Variants in COL28A1 observed in about 807,000 individuals in gnomAD.
The protein encoded by COL28A1 is collagen type XXVIII alpha 1 chain.
COL28A1 carries 161 observed loss-of-function variants against 150.2 expected under a neutral mutation model. The observed-to-expected ratio is 1.07, with a 90% CI of 0.94 to 1.22. The LOEUF is 1.22. Among genes scored for constraint, COL28A1 ranks in the 50% most tolerant of loss-of-function variants. COL28A1 has a pLI of 0.00. For synonymous variants in COL28A1, 552 were observed against 469.7 expected, an observed-to-expected ratio of 1.18 and a Z score of -2.26; for missense variants, 1,617 against 1,388.3, an observed-to-expected ratio of 1.16 and a Z score of -2.62.
chr7:7,340,696 T>C, the COL28A1 span, among the ~76,000 whole-genome samples: 1 of 152,110 alleles, frequency 6.6e-6, no homozygotes, highest in Non-Finnish European at 1.5e-5. Context: ...TAATCTGTGT[T>C]TTTTATACTT....
chr7:7,470,840 T>C lies in COL28A1; in HGVS notation c.1302+3761A>G, dbSNP rs867167710. Among the ~76,000 whole-genome samples the C allele has an allele frequency of 1.8e-4, 23 of 129,134 alleles. 1 individual carries two copies. In the South Asian group the frequency reaches 5.3e-3, roughly 29 times the overall value. The allele number at this position is 129,134 out of a possible 152,430, so 84.7% of individuals were successfully genotyped here. ...CATGGATGAAATTGGAAACCATCAT[T>C]CTCAGTAAACTATCGTAAGAACAAA... On this transcript the variant is annotated intron_variant, in intron 15 of 34. Transcript: ENST00000399429.
At chr7:7,522,179 C>T (rs375355968) in intron 4 of COL28A1, 4 of 576,128 alleles carry the variant, frequency 6.9e-6, no homozygotes, top group South Asian at 1.9e-5. Context: ...TTATTCCAGG[C>T]AAATTTATAC....
intron 25 of COL28A1, chr7:7,431,263 A>G (rs10280546): frequency 0.21 from 38,103 of 185,128 alleles, 5,459 homozygotes; most frequent in African/African-American, 0.42. Context: ...TCATTCAACA[A>G]GTTGTAGAGC....
At chr7:7,370,910 A>G in intron 32 of COL28A1, 28 bp from the exon 33 acceptor site, 2 of 1,491,686 alleles carry the variant, frequency 1.3e-6, no homozygotes, top group Admixed American at 1.7e-5. Context: ...GAAAAGAGAG[A>G]TAGTAGAAGC....
chr7:7,417,572 A>G (rs1022811219), intron 27 of COL28A1: 1 of 270,452 alleles, frequency 3.7e-6, no homozygotes, highest in Non-Finnish European at 6.8e-6. Flanking sequence ...AGAGAGAGCA[A>G]CTGAGTATAA....
Position 7,515,832 on chromosome 7 carries a change from A to G in COL28A1, c.864T>C (p.Pro288=). 2 of 1,029,476 alleles carry G rather than the reference A, an allele frequency of 1.9e-6. No homozygotes were observed. Among genetic ancestry groups the G allele is most frequent in the Non-Finnish European group, 3.1e-6 (2 of 649,398 alleles). 63.8% of individuals were successfully genotyped at this position (1,029,476 alleles called of 1,614,324 possible). A position where few individuals can be genotyped will look rare whatever the true frequency, so the allele number is the denominator to read the frequency against. Reference sequence around the variant, plus strand: ...AACTTACCTTGTCACCCTTGTACCCAGGAATTCCCTAATTTAAAAAGAAAA... The same window carrying G: ...AACTTACCTTGTCACCCTTGTACCCGGGAATTCCCTAATTTAAAAAGAAAA... ...EAGERGPGGI[P]GYKGDKGERG... is the part of the protein sequence containing the mutation. Residue 288 remains proline (P), a synonymous_variant, in exon 8 of 35, where the codon CCT becomes CCC. Transcript: ENST00000399429.
At chr7:7,355,613 C>T (rs1780330402), downstream of COL28A1, among the ~76,000 whole-genome samples, 1 of 151,866 alleles carries the variant, frequency 6.6e-6, no homozygotes, top group African/African-American at 2.4e-5. Flanking sequence ...ATCTCAAAAA[C>T]AAATATAAAA....
chr7:7,539,762 G>A (rs1232173827), upstream of COL28A1, among the ~76,000 whole-genome samples: 2 of 152,036 alleles, frequency 1.3e-5, no homozygotes, highest in African/African-American at 2.4e-5. Flanking sequence ...TTTTTCAATT[G>A]TTACTATTAT....
At chr7:7,437,115 T>C (rs1359850730) in intron 22 of COL28A1, among the ~76,000 whole-genome samples, 1 of 152,218 alleles carries the variant, frequency 6.6e-6, no homozygotes, top group Non-Finnish European at 1.5e-5. Flanking sequence ...TAGATTCTTC[T>C]GAATAAATGT....
chr7:7,449,395 G>A (rs889308210), intron 18 of COL28A1, among the ~76,000 whole-genome samples: 1 of 151,788 alleles, frequency 6.6e-6, no homozygotes, highest in Non-Finnish European at 1.5e-5. Flanking sequence ...CAAAAAAGAA[G>A]GAAGCTTCCT....
intron 11 of COL28A1, among the ~76,000 whole-genome samples, chr7:7,491,091 A>G (rs1472310916): frequency 6.6e-6 from 1 of 152,130 alleles, no homozygotes; most frequent in Non-Finnish European, 1.5e-5. Context: ...GCTCTGGAAG[A>G]CATATTTTGT....
chr7:7,407,337 T>C (rs909024267), intron 27 of COL28A1, among the ~76,000 whole-genome samples: 1 of 151,776 alleles, frequency 6.6e-6, no homozygotes, highest in Non-Finnish European at 1.5e-5. Context: ...GTCCACAGAA[T>C]CAGGAATTCT....
chr7:7,427,275 G>T (rs1784697011), intron 25 of COL28A1, among the ~76,000 whole-genome samples: 1 of 152,140 alleles, frequency 6.6e-6, no homozygotes, highest in South Asian at 2.1e-4. Context: ...ACTGCCTAGG[G>T]TCTAAACTTT....
At position 7,373,034 on chromosome 7, in the gene COL28A1, G is replaced by A. The variant is rs1400490929; in HGVS notation, c.2872C>T (p.His958Tyr). 1 of 1,614,090 alleles carries A rather than the reference G, an allele frequency of 6.2e-7. No individual in the cohort carries two copies. The highest frequency in any genetic ancestry group is 1.1e-5 in the South Asian group (1 of 91,064). Residue 958 changes from histidine to tyrosine, a missense_variant, in exon 32 of 35, where the codon CAT becomes TAT. Transcript: ENST00000399429. The surrounding 1 kb of genome is among the most constrained non-coding windows in gnomAD (Gnocchi z 4.1). ...AAGAAATCATCAAACTGGTAAACATGCTCTGGGTCAGTAGCAATTAGATTC... is the reference window on the plus strand; with the variant it reads ...AAGAAATCATCAAACTGGTAAACATACTCTGGGTCAGTAGCAATTAGATTC... ...EMNLIATDPE[H>Y]VYQFDDFFTL...
intron 26 of COL28A1, among the ~76,000 whole-genome samples, chr7:7,418,419 G>A (rs1860725): frequency 0.21 from 31,243 of 152,102 alleles, 4,340 homozygotes; most frequent in African/African-American, 0.4. Flanking sequence ...ATAAGCAAGT[G>A]TAGCATTTCC....
chr7:7,533,181 C>T (rs1303265419), intron 1 of COL28A1, among the ~76,000 whole-genome samples: 1 of 152,090 alleles, frequency 6.6e-6, no homozygotes, highest in Non-Finnish European at 1.5e-5. Flanking sequence ...TTTTGAGGAG[C>T]ATAGAGTTGG....
At chr7:7,477,248 A>C in intron 13 of COL28A1, 68 bp from the exon 14 acceptor site, 2 of 811,196 alleles carry the variant, frequency 2.5e-6, no homozygotes, top group South Asian at 2.8e-5. Flanking sequence ...GATGAAAAAG[A>C]GGAAAGAGGA....
At chr7:7,376,280 T>C (rs780005365) in intron 30 of COL28A1, among the ~76,000 whole-genome samples, 10 of 152,192 alleles carry the variant, frequency 6.6e-5, no homozygotes, top group Non-Finnish European at 1.5e-4. Context: ...GAAGGACCAG[T>C]GGACCCAATC....
intron 30 of COL28A1, among the ~76,000 whole-genome samples, 177 bp downstream of exon 30, chr7:7,380,483 T>C (rs186752363): frequency 6.6e-6 from 1 of 152,222 alleles, no homozygotes; most frequent in East Asian, 1.9e-4. Context: ...TCTCCCCTCA[T>C]AGTCAGATTC....
Sources: allele counts gnomAD v4.1 joint callset (sites outside exome capture counted in the v4.1 genomes callset), GRCh38; gene constraint gnomAD v4.1.1; non-coding constraint Gnocchi (gnomAD v3.1); transcripts MANE v1.5; gene names NCBI Gene and HGNC (gene_info 2026-07-23, HGNC 2026-07-21).